NFIA: variants seen among roughly 807,000 people sequenced by gnomAD.
NFIA encodes the protein nuclear factor I A.
NFIA carries 8 observed loss-of-function variants against 62.8 expected under a neutral mutation model. That is an observed-to-expected ratio of 0.13 (90% confidence interval 0.07 to 0.23). The LOEUF is 0.23. NFIA is among the 10% of genes least tolerant of loss of function. NFIA has a pLI of 1.00. For synonymous variants in NFIA, 235 were observed against 238.1 expected, an observed-to-expected ratio of 0.99 and a Z score of 0.12; for missense variants, 410 against 642.1, an observed-to-expected ratio of 0.64 and a Z score of 3.91.
chr1:61,112,742 C>T (rs1198096940), intron 2 of NFIA, among the ~76,000 whole-genome samples: 1 of 152,144 alleles, frequency 6.6e-6, no homozygotes, highest in African/African-American at 2.4e-5. Context: ...GACATGTTTG[C>T]ATACAATGGA....
chr1:61,387,337 G>C (rs1664743770), intron 7 of NFIA, among the ~76,000 whole-genome samples: 1 of 152,110 alleles, frequency 6.6e-6, no homozygotes, highest in Non-Finnish European at 1.5e-5. Flanking sequence ...ACAGTGCCTG[G>C]AAGTACAGTA....
chr1:61,201,632 TA>T (rs1652504355), intron 2 of NFIA, among the ~76,000 whole-genome samples: 1 of 152,098 alleles, frequency 6.6e-6, no homozygotes. Context: ...TAGGTTCAAT[TA>T]CATAAGGATT....
chr1:61,361,410 C>G (rs1480173621), intron 6 of NFIA, among the ~76,000 whole-genome samples: 2 of 152,150 alleles, frequency 1.3e-5, no homozygotes, highest in African/African-American at 4.8e-5. Flanking sequence ...AATTAGAGCC[C>G]TAGTCAATTT....
At chr1:61,229,489 G>A (rs947438903) in intron 2 of NFIA, among the ~76,000 whole-genome samples, 37 of 152,008 alleles carry the variant, frequency 2.4e-4, no homozygotes, top group African/African-American at 8.2e-4. Flanking sequence ...AAAATTTCTT[G>A]TATTTGATTT....
intron 2 of NFIA, among the ~76,000 whole-genome samples, chr1:61,206,936 A>G (rs1652934293): frequency 6.6e-6 from 1 of 152,238 alleles, no homozygotes; most frequent in African/African-American, 2.4e-5. Context: ...GTGCTGTCGT[A>G]TGAAAGAATA....
rs1186292428 is a variant in NFIA at position 61,460,212 on chromosome 1, T to C, written c.*4892T>C. ...TGTTTGACAGTAAACCCGCTCTGCC[T>C]TCTCCACGTCCAAGGCTGTGCATTC... On this transcript the variant is annotated 3_prime_UTR_variant, in exon 11 of 11. Transcript: ENST00000403491. The C allele has an allele frequency of 6.6e-6, 1 of 152,212 alleles. No homozygotes were observed. The highest frequency in any genetic ancestry group is 1.9e-4 in the East Asian group (1 of 5,204). 9.4% of individuals were successfully genotyped at this position (152,212 alleles called of 1,614,324 possible). A position where few individuals can be genotyped will look rare whatever the true frequency, so the allele number is the denominator to read the frequency against.
At chr1:61,311,633 C>T (rs1325924732) in intron 3 of NFIA, among the ~76,000 whole-genome samples, 1 of 152,168 alleles carries the variant, frequency 6.6e-6, no homozygotes, top group Admixed American at 6.5e-5. Context: ...TGTATCCAGA[C>T]ATTGCCAAAT....
At chr1:61,367,058 C>T (rs565963710) in intron 6 of NFIA, among the ~76,000 whole-genome samples, 2 of 152,306 alleles carry the variant, frequency 1.3e-5, no homozygotes, top group South Asian at 2.1e-4. Flanking sequence ...GTCAGCGACC[C>T]AGGGCATTCA....
rs568347791 is a variant in NFIA at position 61,434,755 on chromosome 1, C to T, written c.1512+8199C>T. 1.2e-4 allele frequency among the ~76,000 whole-genome samples: 18 copies of T among 152,228 alleles called. No homozygotes were observed. The East Asian group carries it at 3.3e-3, about 28-fold the overall frequency. ...AATAGGTGCTCAGTAAATATTGCTTCTCTTCTTGCTTCCTTTTTTTTAATA... is the reference window on the plus strand; with the variant it reads ...AATAGGTGCTCAGTAAATATTGCTTTTCTTCTTGCTTCCTTTTTTTTAATA... On this transcript the variant is annotated intron_variant, in intron 10 of 10. Transcript: ENST00000403491.
intron 2 of NFIA, among the ~76,000 whole-genome samples, chr1:61,255,114 C>T (rs1170135746): frequency 2.6e-5 from 4 of 151,974 alleles, no homozygotes; most frequent in African/African-American, 7.3e-5. Context: ...CCTGGGAGGT[C>T]GCCAGAAAGT....
chr1:61,352,715 C>T (rs761289914), intron 5 of NFIA, 148 bp downstream of exon 5: 8 of 682,950 alleles, frequency 1.2e-5, no homozygotes, highest in East Asian at 2.7e-5. Flanking sequence ...CTGTCGGTCT[C>T]GTTGGGGAGA....
chr1:61,310,142 A>G (rs1037033682), intron 3 of NFIA, among the ~76,000 whole-genome samples: 1 of 152,178 alleles, frequency 6.6e-6, no homozygotes, highest in Non-Finnish European at 1.5e-5. Context: ...AATCAATTCA[A>G]TGTTTCTTTG....
rs182052326 is a variant in NFIA, at chr1:61,280,600, C to T, written c.625+3015C>T. On this transcript the variant is annotated intron_variant, in intron 3 of 10. Transcript: ENST00000403491. ...TGGTAACACGCTGTTTCATCCCAAA[C>T]CGTAAACTGGGCCATGTAACTTTAC... Among the ~76,000 whole-genome samples, 3 of 152,326 alleles carry T rather than the reference C, an allele frequency of 2.0e-5. No individual in the cohort carries two copies. In the East Asian group the frequency reaches 5.8e-4, roughly 29 times the overall value.
chr1:61,266,615 C>T (rs1657186387), intron 2 of NFIA, among the ~76,000 whole-genome samples: 1 of 152,110 alleles, frequency 6.6e-6, no homozygotes, highest in Admixed American at 6.5e-5. Flanking sequence ...CCAGGCTGGT[C>T]TCAAACTCTC....
upstream of NFIA, chr1:61,081,737 C>A: frequency 1.3e-6 from 1 of 796,826 alleles, no homozygotes; most frequent in Non-Finnish European, 1.9e-6. Context: ...TCTGTGGGCA[C>A]TGATTCCTCA....
intron 2 of NFIA, among the ~76,000 whole-genome samples, chr1:61,226,252 T>C (rs1164259293): frequency 1.3e-5 from 2 of 152,224 alleles, no homozygotes; most frequent in East Asian, 3.9e-4. Flanking sequence ...AAGTAACATG[T>C]GCCTCAACAG....
At chr1:61,095,375 T>C (rs1032226234) in intron 2 of NFIA, among the ~76,000 whole-genome samples, 5 of 152,224 alleles carry the variant, frequency 3.3e-5, no homozygotes, top group African/African-American at 1.2e-4. Context: ...GGATAGACTC[T>C]TCAGAGTGGC....
intron 2 of NFIA, among the ~76,000 whole-genome samples, chr1:61,147,726 A>C (rs552474008): frequency 6.4e-4 from 97 of 151,528 alleles, no homozygotes; most frequent in Admixed American, 1.5e-3. Context: ...GTTTTTTTTC[A>C]CCTAGTAGTG....
intron 2 of NFIA, among the ~76,000 whole-genome samples, chr1:61,244,483 T>C (rs1004021698): frequency 6.6e-6 from 1 of 152,184 alleles, no homozygotes; most frequent in African/African-American, 2.4e-5. Flanking sequence ...AGAGGCTGTG[T>C]GTAGGGAAAC....
Sources: gnomAD v4.1 joint callset for allele counts (sites outside exome capture counted in the v4.1 genomes callset) on GRCh38, gnomAD v4.1.1 for gene constraint, MANE v1.5 for transcripts, NCBI Gene and HGNC (gene_info 2026-07-23, HGNC 2026-07-21) for gene names.